Variants in DNAJC10 observed in about 807,000 individuals in gnomAD.
The protein encoded by DNAJC10 is endoplasmic reticulum disulfide reductase DNAJC10.
A neutral mutation model predicts 115.0 loss-of-function variants in DNAJC10; 101 were observed. The ratio of observed to expected loss-of-function variants is 0.88; its 90% confidence interval spans 0.75 to 1.04. DNAJC10 has a LOEUF of 1.04. Ranked by LOEUF, DNAJC10 falls within the 50% of genes least tolerant of loss-of-function variation. DNAJC10 has a pLI of 0.00. For synonymous variants in DNAJC10, 307 were observed against 301.5 expected (o/e 1.02, Z -0.19); for missense variants, 981 against 928.8 (o/e 1.06, Z -0.73).
intron 3 of DNAJC10, among the ~76,000 whole-genome samples, chr2:182,719,129 T>TAA (rs1401416981): frequency 6.6e-6 from 1 of 151,794 alleles, no homozygotes; most frequent in East Asian, 1.9e-4. Flanking sequence ...AGTTTCCATA[T>TAA]AAAAGACAGT....
intron 17 of DNAJC10, among the ~76,000 whole-genome samples, chr2:182,755,634 C>T (rs1037098174): frequency 6.6e-6 from 1 of 152,108 alleles, no homozygotes; most frequent in Admixed American, 6.6e-5. Context: ...TCAGTATTAC[C>T]TGACTGTTGT....
intron 23 of DNAJC10, among the ~76,000 whole-genome samples, chr2:182,776,010 G>T (rs1694695288): frequency 1.3e-5 from 2 of 151,966 alleles, no homozygotes; most frequent in African/African-American, 4.8e-5. Flanking sequence ...GTTTATTTTG[G>T]GAATATGGAA....
chr2:182,762,077 G>T (rs1694298619), intron 21 of DNAJC10, among the ~76,000 whole-genome samples: 1 of 151,924 alleles, frequency 6.6e-6, no homozygotes, highest in Non-Finnish European at 1.5e-5. Flanking sequence ...TCAGCAGAGG[G>T]AGCAGTAAGC....
chr2:182,764,661 C>A (rs1694365764), intron 22 of DNAJC10, among the ~76,000 whole-genome samples: 1 of 152,000 alleles, frequency 6.6e-6, no homozygotes, highest in South Asian at 2.1e-4. Flanking sequence ...CTTGCCGAAA[C>A]AAAAGTATAT....
At chr2:182,772,372 C>T (rs1694587380) in intron 22 of DNAJC10, among the ~76,000 whole-genome samples, 1 of 152,134 alleles carries the variant, frequency 6.6e-6, no homozygotes, top group Admixed American at 6.5e-5. Flanking sequence ...CCTGGATATC[C>T]TTCTTAACCT....
chr2:182,729,002 A>T lies in DNAJC10; in HGVS notation c.633+8A>T, dbSNP rs750138857. ...ATTTTTCGGTCTGGAATGGTAAGGG[A>T]TAAAGTTAGCATTTTTTAAATTTGT... is the stretch of plus-strand genomic sequence containing the variant. On this transcript the variant is annotated splice_region_variant and intron_variant, in intron 7 of 23. Transcript: ENST00000264065. 1 of 1,613,140 alleles carries T rather than the reference A, an allele frequency of 6.2e-7. No individual in the cohort carries two copies. Among genetic ancestry groups the T allele is most frequent in the Non-Finnish European group, 8.5e-7 (1 of 1,179,516 alleles).
At chr2:182,716,771 C>G (rs972166128) in intron 1 of DNAJC10, among the ~76,000 whole-genome samples, 1 of 152,134 alleles carries the variant, frequency 6.6e-6, no homozygotes, top group African/African-American at 2.4e-5. Context: ...TCATCTTTAC[C>G]CCTCTCCCCT....
In DNAJC10 at chr2:182,732,535, G is replaced by C. The variant is rs562836448; in HGVS notation, c.842G>C (p.Gly281Ala). ...LTSQTRLRLS[G>A]MLDGLVNVGW... ...TCACAGACACGACTCAGGCTTAGTGGCATGTTGGTAAGCATCAATCATTTT... is the reference window on the plus strand; with the variant it reads ...TCACAGACACGACTCAGGCTTAGTGCCATGTTGGTAAGCATCAATCATTTT... Residue 281 changes from glycine to alanine, a missense_variant, in exon 10 of 24, where the codon GGC (glycine) becomes GCC (alanine). Physicochemically the swap from Gly to Ala is moderately conservative, Grantham distance 60. Coordinates refer to ENST00000264065, the MANE Select transcript of DNAJC10 (RefSeq NM_018981.4). The C allele has an allele frequency of 6.2e-7, 1 of 1,613,022 alleles. No individual in the cohort carries two copies. The highest frequency in any genetic ancestry group is 1.1e-5 in the South Asian group (1 of 90,996).
chr2:182,745,891 C>T (rs1013305800), intron 14 of DNAJC10, among the ~76,000 whole-genome samples: 1 of 152,018 alleles, frequency 6.6e-6, no homozygotes, highest in Non-Finnish European at 1.5e-5. Flanking sequence ...CTCCCCACTC[C>T]CCCCACCCCA....
rs1694846502 is a variant in DNAJC10, at chr2:182,781,493, T to C, written c.*4361T>C. The C allele has an allele frequency of 6.6e-6, 1 of 152,222 alleles. No homozygotes were observed. Among genetic ancestry groups the C allele is most frequent in the African/African-American group, 2.4e-5 (1 of 41,458 alleles). The allele number at this position is 152,222 out of a possible 1,614,324, so 9.4% of individuals were successfully genotyped here. A position where few individuals can be genotyped will look rare whatever the true frequency, so the allele number is the denominator to read the frequency against. On this transcript the variant is annotated 3_prime_UTR_variant, in exon 24 of 24. Transcript: ENST00000264065. ...GGTATATACCCAGTAACGGGATTGC[T>C]GGGTCAAATGGTATTTCTATTTCTA...
chr2:182,788,946 A>T lies in DNAJC10; in HGVS notation c.*11814A>T, dbSNP rs1200713339. On this transcript the variant is annotated 3_prime_UTR_variant, in exon 24 of 24. Transcript: ENST00000264065. Reference sequence around the variant, plus strand: ...GTACATGTAACAAAATTTATTAATCATTTTAAAGTAGCATACAGTTCAGTA... The same window carrying T: ...GTACATGTAACAAAATTTATTAATCTTTTTAAAGTAGCATACAGTTCAGTA... 5.1e-6 allele frequency: 2 copies of T among 395,488 alleles called. No individual in the cohort carries two copies. Among genetic ancestry groups the T allele is most frequent in the Non-Finnish European group, 9.8e-6 (2 of 204,530 alleles). The allele number at this position is 395,488 out of a possible 1,614,324, so 24.5% of individuals were successfully genotyped here. A position where few individuals can be genotyped will look rare whatever the true frequency, so the allele number is the denominator to read the frequency against.
In DNAJC10 at chr2:182,759,239, A is replaced by G; in HGVS notation, c.2077A>G (p.Ile693Val). The change falls in exon 21 of 24, where the codon ATT (isoleucine) becomes GTT (valine). Residue 693 changes from isoleucine to valine, a missense_variant. Ile to Val is a conservative substitution (Grantham distance 29, BLOSUM62 3). Transcript: ENST00000264065. ...KVLQGKNHWV[I>V]DFYAPWCGPC... ...TCTACAAGGGAAAAATCATTGGGTG[A>G]TTGATTTCTATGCTCCTTGGTGTGG... 4 of 1,612,094 alleles carry G rather than the reference A, an allele frequency of 2.5e-6. No individual in the cohort carries two copies. Among genetic ancestry groups the G allele is most frequent in the South Asian group, 1.1e-5 (1 of 90,336 alleles).
chr2:182,727,182 A>G (rs893291343), intron 5 of DNAJC10, among the ~76,000 whole-genome samples: 3 of 149,966 alleles, frequency 2.0e-5, no homozygotes, highest in Admixed American at 6.6e-5. Context: ...CTATGTTGTG[A>G]TTTGGAAACA....
chr2:182,735,937 G>A (rs549956391), intron 10 of DNAJC10, among the ~76,000 whole-genome samples: 84 of 152,170 alleles, frequency 5.5e-4, no homozygotes, highest in African/African-American at 1.9e-3. Context: ...CTATTGGACA[G>A]CTCACTTTCT....
intron 10 of DNAJC10, among the ~76,000 whole-genome samples, chr2:182,732,932 A>G (rs1252271989): frequency 1.3e-5 from 2 of 151,996 alleles, no homozygotes; most frequent in Non-Finnish European, 1.5e-5. Context: ...TTTTAACACC[A>G]TTGAAATACC....
chr2:182,751,668 T>G lies in DNAJC10; in HGVS notation c.1317T>G (p.Ile439Met), dbSNP rs781545016. The G allele has an allele frequency of 6.2e-7, 1 of 1,612,724 alleles. No individual in the cohort carries two copies. The highest frequency in any genetic ancestry group is 8.5e-7 in the Non-Finnish European group (1 of 1,179,596). The change falls in exon 15 of 24, where the codon ATT becomes ATG. Residue 439 changes from isoleucine (I) to methionine (M), a missense_variant. Transcript: ENST00000264065. Reference protein sequence around the residue: ...KEYEIHHGKKILYDILAFAKE... With the variant: ...KEYEIHHGKKMLYDILAFAKE... ...CATTCACTTTGAAAGGAAAGAAGAT[T>G]CTATATGATATACTTGCCTTTGCCA...
chr2:182,758,861 T>G lies in DNAJC10; in HGVS notation c.1968T>G (p.Asp656Glu). 6.2e-7 allele frequency: 1 copy of G among 1,608,458 alleles called. No individual in the cohort carries two copies. Reference protein sequence around the residue: ...HYHSYNGWNRDAYSLRIWGLG... With the variant: ...HYHSYNGWNREAYSLRIWGLG... ...GCAGTTACAATGGTTGGAATAGGGA[T>G]GCTTATTCCCTGAGAATCTGGGGTC... Residue 656 changes from aspartate to glutamate, a missense_variant, in exon 20 of 24, where the codon GAT (aspartate) becomes GAG (glutamate). Physicochemically the swap from Asp to Glu is conservative, Grantham distance 45. Transcript: ENST00000264065.
chr2:182,773,983 CTT>C (rs145967012), intron 22 of DNAJC10, among the ~76,000 whole-genome samples: 27,200 of 152,058 alleles, frequency 0.18, 5,627 homozygotes, highest in African/African-American at 0.51. Context: ...TATCTTTGGT[CTT>C]TGATGTTGGT....
chr2:182,718,163 T>C lies in DNAJC10; in HGVS notation c.77T>C (p.Met26Thr). Residue 26 changes from methionine (M) to threonine (T), a missense_variant, in exon 3 of 24, where the codon ATG becomes ACG. By Grantham distance (81) the Met-to-Thr change is moderately conservative. Transcript: ENST00000264065. Reference protein sequence around the residue: ...RIILCFLIVYMAILVGTDQDF... With the variant: ...RIILCFLIVYTAILVGTDQDF... ...ATTCTCTGTTTTCTGATAGTGTATATGGCCATTTTAGTGGGCACAGATCAG... is the reference window on the plus strand; with the variant it reads ...ATTCTCTGTTTTCTGATAGTGTATACGGCCATTTTAGTGGGCACAGATCAG... The C allele has an allele frequency of 6.2e-7, 1 of 1,613,674 alleles. No homozygotes were observed. Among genetic ancestry groups the C allele is most frequent in the Non-Finnish European group, 8.5e-7 (1 of 1,179,808 alleles).
Sources: gnomAD v4.1 joint callset for allele counts (sites outside exome capture counted in the v4.1 genomes callset) on GRCh38, gnomAD v4.1.1 for gene constraint, MANE v1.5 for transcripts, NCBI Gene and HGNC (gene_info 2026-07-23, HGNC 2026-07-21) for gene names.